The following NAALADL2 variants were observed in gnomAD, a reference collection of about 807,000 sequenced individuals.
The protein encoded by NAALADL2 is inactive N-acetylated-alpha-linked acidic dipeptidase-like protein 2.
NAALADL2 carries 76 observed loss-of-function variants against 87.2 expected under a neutral mutation model. That is an observed-to-expected ratio of 0.87 (90% CI 0.72 to 1.05). The LOEUF is 1.05. Among genes scored for constraint, NAALADL2 ranks in the 50% least tolerant of loss-of-function variants. NAALADL2 has a pLI of 0.00. For missense variants in NAALADL2, 1,089 were observed against 945.8 expected (o/e 1.15, Z -1.99); for synonymous variants, 354 against 331.0 (o/e 1.07, Z -0.75).
chr3:175,638,423 C>A (rs113442096), intron 11 of NAALADL2, among the ~76,000 whole-genome samples: 31 of 152,270 alleles, frequency 2.0e-4, no homozygotes, highest in African/African-American at 7.5e-4. Flanking sequence ...TTCAGAGGGC[C>A]CTAGGGACAA....
At chr3:175,493,633 A>G (rs1400505701) in intron 9 of NAALADL2, among the ~76,000 whole-genome samples, 1 of 152,132 alleles carries the variant, frequency 6.6e-6, no homozygotes, top group Non-Finnish European at 1.5e-5. Context: ...GCTCAAGGCA[A>G]CTTAACTTTG....
intron 10 of NAALADL2, among the ~76,000 whole-genome samples, chr3:175,584,334 C>A (rs1449838474): frequency 6.6e-6 from 1 of 151,668 alleles, no homozygotes; most frequent in African/African-American, 2.4e-5. Flanking sequence ...ACCACGCCCG[C>A]CCTACTGTTA....
chr3:174,641,850 G>T (rs1028997191), intron 2 of NAALADL2, among the ~76,000 whole-genome samples: 1 of 152,046 alleles, frequency 6.6e-6, no homozygotes, highest in African/African-American at 2.4e-5. Context: ...TCAACCTCCC[G>T]GGCTCAAGTG....
rs182355766 is a variant in NAALADL2 at position 175,153,326 on chromosome 3, A to G, written c.545+56035A>G. On this transcript the variant is annotated intron_variant, in intron 2 of 13. Transcript: ENST00000454872. Reference sequence around the variant, plus strand: ...GTCAGTGTTGAAGATGGGACTGCCCATCTAACAAATGATGTTCTGTGATGC... The same window carrying G: ...GTCAGTGTTGAAGATGGGACTGCCCGTCTAACAAATGATGTTCTGTGATGC... 2.6e-3 allele frequency among the ~76,000 whole-genome samples: 394 copies of G among 152,268 alleles called. 1 individual carries two copies. The highest frequency in any genetic ancestry group is 9.2e-3 in the African/African-American group (381 of 41,572).
At chr3:174,954,161 T>C (rs1004494793) in intron 1 of NAALADL2, among the ~76,000 whole-genome samples, 1 of 152,072 alleles carries the variant, frequency 6.6e-6, no homozygotes, top group Non-Finnish European at 1.5e-5. Flanking sequence ...ATCAGGCAAC[T>C]TGAATACTGA....
chr3:175,619,323 A>C (rs1489272135), intron 10 of NAALADL2, among the ~76,000 whole-genome samples: 1 of 152,070 alleles, frequency 6.6e-6, no homozygotes, highest in African/African-American at 2.4e-5. Context: ...GTAAGAAAGA[A>C]AGAAAAGCAA....
intron 11 of NAALADL2, among the ~76,000 whole-genome samples, chr3:175,697,400 G>GACACACACAC (rs57471272): frequency 0.025 from 3,621 of 145,290 alleles, 57 homozygotes; most frequent in Middle Eastern, 0.042. Flanking sequence ...GCTGCACACA[G>GACACACACAC]ACACACACAC....
At chr3:174,445,077 T>A (rs1449453688) in intron 1 of NAALADL2, among the ~76,000 whole-genome samples, 2 of 151,958 alleles carry the variant, frequency 1.3e-5, no homozygotes, top group Non-Finnish European at 2.9e-5. Flanking sequence ...AAAACAGGGT[T>A]CTGCGTAAAG....
chr3:175,566,273 A>G (rs2149528287), intron 9 of NAALADL2, among the ~76,000 whole-genome samples: 1 of 152,364 alleles, frequency 6.6e-6, no homozygotes, highest in East Asian at 1.9e-4. Context: ...TCACAGAAAT[A>G]CAAAAGTAAT....
At chr3:175,565,852 T>C (rs1717056627) in intron 9 of NAALADL2, among the ~76,000 whole-genome samples, 1 of 108,380 alleles carries the variant, frequency 9.2e-6, no homozygotes, top group Non-Finnish European at 1.7e-5. Context: ...TTTTTTGAGA[T>C]GGAATCTCAC....
rs9290555 is a variant in NAALADL2, at chr3:175,471,659, G to A, written c.1554G>A (p.Gln518=). The A allele has an allele frequency of 0.61, 909,869 of 1,499,066 alleles. 281,434 individuals carry two copies. The highest frequency in any genetic ancestry group is 0.7 in the East Asian group (30,761 of 43,958). 92.9% of individuals were successfully genotyped at this position (1,499,066 alleles called of 1,614,324 possible). The change falls in exon 9 of 14, where the codon CAG becomes CAA. Residue 518 remains glutamine, a synonymous_variant. Transcript: ENST00000454872. ...EWGEDFKKVL[Q]KNVVAYISLH... is the part of the protein sequence containing the mutation. Reference sequence around the variant, plus strand: ...TTCAGGATTTCAAGAAGGTTCTTCAGAAAAATGTTGTGGCTTATATTAGCC... The same window carrying A: ...TTCAGGATTTCAAGAAGGTTCTTCAAAAAAATGTTGTGGCTTATATTAGCC...
chr3:175,221,769 A>C (rs750777409), intron 2 of NAALADL2, among the ~76,000 whole-genome samples: 38 of 151,054 alleles, frequency 2.5e-4, no homozygotes, highest in Non-Finnish European at 5.6e-4. Flanking sequence ...TTATTTATTT[A>C]TTTATTTATT....
At chr3:175,711,277 A>G (rs1397196974) in intron 11 of NAALADL2, among the ~76,000 whole-genome samples, 1 of 151,878 alleles carries the variant, frequency 6.6e-6, no homozygotes, top group Non-Finnish European at 1.5e-5. Context: ...TAGAAAATGC[A>G]ATCTCTTTTA....
At chr3:175,516,544 T>C (rs1731861857) in intron 9 of NAALADL2, among the ~76,000 whole-genome samples, 1 of 152,200 alleles carries the variant, frequency 6.6e-6, no homozygotes, top group South Asian at 2.1e-4. Context: ...ATTTTAGCCA[T>C]GAACCTGAAA....
chr3:175,082,620 T>C (rs938067251), intron 1 of NAALADL2, among the ~76,000 whole-genome samples: 3 of 152,212 alleles, frequency 2.0e-5, no homozygotes, highest in East Asian at 1.9e-4. Context: ...ATTGCATTAA[T>C]GAAAGTCAAA....
chr3:175,555,067 C>G (rs1402323125), intron 9 of NAALADL2, among the ~76,000 whole-genome samples: 1 of 152,130 alleles, frequency 6.6e-6, no homozygotes, highest in Non-Finnish European at 1.5e-5. Flanking sequence ...CAAGTACTTT[C>G]CAAGTCTACT....
At chr3:174,829,573 C>T (rs1722407887) in intron 3 of NAALADL2, among the ~76,000 whole-genome samples, 1 of 139,946 alleles carries the variant, frequency 7.1e-6, no homozygotes, top group African/African-American at 2.7e-5. Flanking sequence ...CCGCAATAAA[C>T]ATACGTGTGC....
At chr3:175,556,453 TA>T (rs11341550) in intron 9 of NAALADL2, among the ~76,000 whole-genome samples, 3,077 of 152,244 alleles carry the variant, frequency 0.02, 78 homozygotes, top group Admixed American at 0.061. Context: ...GCAAAGCACT[TA>T]AAGAATAAGA....
In NAALADL2 at chr3:174,478,668, G is replaced by T. The variant is rs1004500860; in HGVS notation, c.-184+37636G>T. Among the ~76,000 whole-genome samples the T allele has an allele frequency of 1.2e-4, 18 of 152,004 alleles. No individual in the cohort carries two copies. In the East Asian group the frequency reaches 2.5e-3, roughly 21 times the overall value. ...TTTTCTATATTTTAAAACATATTTT[G>T]ATATTTTTTACCTAGATACCATGTT... On this transcript the variant is annotated intron_variant, in intron 1 of 3. Transcript: ENST00000434257.
Sources: allele counts gnomAD v4.1 joint callset (sites outside exome capture counted in the v4.1 genomes callset), GRCh38; gene constraint gnomAD v4.1.1; transcripts MANE v1.5; gene names NCBI Gene and HGNC (gene_info 2026-07-23, HGNC 2026-07-21).